The following SNTG1 variants were observed in gnomAD, a reference collection of about 807,000 sequenced individuals.
SNTG1 encodes syntrophin gamma 1.
In SNTG1, 39 loss-of-function variants were observed where a neutral mutation model predicts 74.7. The observed-to-expected ratio is 0.52, with a 90% CI of 0.40 to 0.68. SNTG1 has a LOEUF of 0.68. Ranked by LOEUF, SNTG1 falls within the 30% of genes least tolerant of loss-of-function variation. SNTG1 has a pLI of 0.00. For synonymous variants in SNTG1, 254 were observed against 217.1 expected, an observed-to-expected ratio of 1.17 and a Z score of -1.49; for missense variants, 685 against 609.5, an observed-to-expected ratio of 1.12 and a Z score of -1.30.
intron 9 of SNTG1, among the ~76,000 whole-genome samples, chr8:50,511,893 T>A (rs911909245): frequency 6.6e-6 from 1 of 152,194 alleles, no homozygotes; most frequent in Non-Finnish European, 1.5e-5. Context: ...TGTCTTTTAA[T>A]TGGAGCATTT....
At chr8:50,673,007 A>G (rs914734962) in intron 15 of SNTG1, among the ~76,000 whole-genome samples, 6 of 151,884 alleles carry the variant, frequency 4.0e-5, no homozygotes, top group African/African-American at 1.5e-4. Context: ...GATGTGTAGT[A>G]TTATTTCTGA....
chr8:50,101,064 G>A (rs1425779448), intron 1 of SNTG1, among the ~76,000 whole-genome samples: 1 of 152,054 alleles, frequency 6.6e-6, no homozygotes, highest in Non-Finnish European at 1.5e-5. Context: ...ACTTTGCTTA[G>A]GATAATGGCC....
At chr8:49,947,759 T>C (rs1304036773) in intron 1 of SNTG1, among the ~76,000 whole-genome samples, 1 of 152,186 alleles carries the variant, frequency 6.6e-6, no homozygotes, top group Non-Finnish European at 1.5e-5. Flanking sequence ...TAACATTTTA[T>C]AGGAAAATGC....
At chr8:50,662,226 C>G (rs571276565) in intron 15 of SNTG1, among the ~76,000 whole-genome samples, 4 of 152,146 alleles carry the variant, frequency 2.6e-5, no homozygotes, top group Admixed American at 2.6e-4. Flanking sequence ...GAAAATGGAT[C>G]CCTCAGGTGA....
At chr8:50,353,061 A>T (rs2091712915) in intron 2 of SNTG1, among the ~76,000 whole-genome samples, 1 of 152,124 alleles carries the variant, frequency 6.6e-6, no homozygotes, top group Admixed American at 6.5e-5. Context: ...TACACCATGG[A>T]ATACTATGCA....
At chr8:50,154,543 G>A (rs1483767371) in intron 1 of SNTG1, among the ~76,000 whole-genome samples, 5 of 152,130 alleles carry the variant, frequency 3.3e-5, no homozygotes, top group African/African-American at 4.8e-5. Context: ...CCCAGCAGAC[G>A]CCACTGTAAC....
At chr8:50,493,236 TATG>T (rs1563470821) in intron 8 of SNTG1, among the ~76,000 whole-genome samples, 2 of 152,176 alleles carry the variant, frequency 1.3e-5, no homozygotes, top group Non-Finnish European at 2.9e-5. Context: ...CTTCTATGCA[TATG>T]ATCCTTTAGA....
intron 12 of SNTG1, among the ~76,000 whole-genome samples, chr8:50,563,487 A>C (rs1235559093): frequency 6.6e-6 from 1 of 152,160 alleles, no homozygotes; most frequent in African/African-American, 2.4e-5. Flanking sequence ...GGTGCTGTCC[A>C]TGGTAGATGT....
intron 2 of SNTG1, among the ~76,000 whole-genome samples, chr8:50,295,676 A>G (rs532616146): frequency 6.6e-6 from 1 of 152,262 alleles, no homozygotes; most frequent in South Asian, 2.1e-4. Flanking sequence ...AAATTTAACT[A>G]TTCTCATTGT....
intron 16 of SNTG1, chr8:50,707,830 T>G (rs560521859): frequency 2.7e-6 from 1 of 372,172 alleles, no homozygotes; most frequent in African/African-American, 2.1e-5. Flanking sequence ...CAATACATCA[T>G]GTCGTATATA....
At chr8:50,564,637 G>A (rs2094506027) in intron 12 of SNTG1, among the ~76,000 whole-genome samples, 1 of 151,992 alleles carries the variant, frequency 6.6e-6, no homozygotes, top group East Asian at 1.9e-4. Flanking sequence ...AGATTTTAGT[G>A]TTGTTGCCTT....
intron 12 of SNTG1, among the ~76,000 whole-genome samples, chr8:50,566,906 T>A (rs2094519212): frequency 6.6e-6 from 1 of 152,024 alleles, no homozygotes; most frequent in African/African-American, 2.4e-5. Flanking sequence ...ATCTAAAAAG[T>A]GCTTTAAACA....
intron 2 of SNTG1, among the ~76,000 whole-genome samples, chr8:50,336,363 G>A (rs183361727): frequency 1.3e-5 from 2 of 152,230 alleles, no homozygotes; most frequent in African/African-American, 4.8e-5. Context: ...TGCACTGCCT[G>A]CTGTTTCTTC....
chr8:50,438,494 A>T (rs553212637), intron 4 of SNTG1, 49 bp from the exon 5 acceptor site: 1 of 1,517,390 alleles, frequency 6.6e-7, no homozygotes, highest in African/African-American at 1.4e-5. Flanking sequence ...ATGGTGTGTA[A>T]GTATAGTATT....
chr8:50,537,167 C>T (rs551897614), intron 11 of SNTG1, among the ~76,000 whole-genome samples: 3 of 152,290 alleles, frequency 2.0e-5, no homozygotes, highest in Non-Finnish European at 2.9e-5. Flanking sequence ...CTCTGTTGCC[C>T]TAGCTGGAGT....
chr8:50,221,559 C>A (rs1053731968), intron 2 of SNTG1, among the ~76,000 whole-genome samples: 4 of 149,032 alleles, frequency 2.7e-5, no homozygotes, highest in African/African-American at 5.0e-5. Context: ...ACAAGACTGA[C>A]AGATAATAAA....
intron 13 of SNTG1, among the ~76,000 whole-genome samples, chr8:50,638,672 T>G (rs2131158383): frequency 6.6e-6 from 1 of 152,212 alleles, no homozygotes; most frequent in Admixed American, 6.5e-5. Context: ...CTTCTTGAGA[T>G]TCTGTGAATA....
chr8:50,515,397 T>G (rs936496005), intron 9 of SNTG1, among the ~76,000 whole-genome samples: 9 of 102,790 alleles, frequency 8.8e-5, no homozygotes, highest in South Asian at 3.2e-4. Context: ...GTTTTTTTTT[T>G]TTTTTTTTTT....
In SNTG1 at chr8:50,355,306, C is replaced by A. The variant is rs186101164; in HGVS notation, c.-27-38906C>A. ...GATTTTTTCATTAATTAAATTGCCA[C>A]CTCCAATCGAAATGACAGGCATATA... On this transcript the variant is annotated intron_variant, in intron 2 of 18. Transcript: ENST00000642720. 2.9e-3 allele frequency among the ~76,000 whole-genome samples: 434 copies of A among 152,152 alleles called. 1 individual carries two copies. The highest frequency in any genetic ancestry group is 4.9e-3 in the Non-Finnish European group (333 of 68,010).
Sources: allele counts gnomAD v4.1 joint callset (sites outside exome capture counted in the v4.1 genomes callset), GRCh38; gene constraint gnomAD v4.1.1; transcripts MANE v1.5; gene names NCBI Gene and HGNC (gene_info 2026-07-23, HGNC 2026-07-21).